The following NLRC3 variants were observed in gnomAD, a reference collection of about 807,000 sequenced individuals.
NLRC3 encodes NLR family CARD domain-containing protein 3.
In NLRC3, 87 loss-of-function variants were observed where a neutral mutation model predicts 91.6. The ratio of observed to expected loss-of-function variants is 0.95; its 90% CI spans 0.80 to 1.14. The LOEUF is 1.14. Ranked by LOEUF, NLRC3 falls within the 50% of genes most tolerant of loss-of-function variation. NLRC3 has a pLI of 0.00. For synonymous variants in NLRC3, 694 were observed against 625.3 expected (o/e 1.11, Z -1.64); for missense variants, 1,577 against 1,418.6 (o/e 1.11, Z -1.79).
At position 3,563,434 on chromosome 16, in the gene NLRC3, C is replaced by T. The variant is rs760237958; in HGVS notation, c.1503G>A (p.Arg501=). ...GCCTCCCGTCCTCTGCCTGCATGGC[C>T]CGCTGGGCTGCGCTCCTGAAATGCG... ...FLTHFRSAAQ[R]AMQAEDGRLD... Residue 501 remains arginine, a synonymous_variant, in exon 5 of 20, where the codon CGG becomes CGA. Coordinates refer to ENST00000359128, the MANE Select transcript of NLRC3 (RefSeq NM_178844.4). 1.5e-5 allele frequency: 24 copies of T among 1,575,940 alleles called. No individual in the cohort carries two copies. Among genetic ancestry groups the T allele is most frequent in the East Asian group, 2.3e-5 (1 of 42,754 alleles).
At chr16:3,570,852 G>A (rs1291519557) in intron 1 of NLRC3, among the ~76,000 whole-genome samples, 2 of 152,148 alleles carry the variant, frequency 1.3e-5, no homozygotes, top group Admixed American at 1.3e-4. Context: ...GGGAGCCACT[G>A]GGGGGAGTGA....
intron 12 of NLRC3, among the ~76,000 whole-genome samples, chr16:3,549,468 G>C (rs2038881726): frequency 6.6e-6 from 1 of 152,156 alleles, no homozygotes; most frequent in African/African-American, 2.4e-5. Context: ...GGCCCCAGAG[G>C]TGCGAGGGGA....
intron 5 of NLRC3, among the ~76,000 whole-genome samples, chr16:3,562,636 A>G (rs536842585): frequency 2.6e-5 from 4 of 152,112 alleles, no homozygotes; most frequent in South Asian, 2.1e-4. Flanking sequence ...GCAAGACTCC[A>G]TCTCAAAAAA....
At chr16:3,558,836 T>A (rs976159394) in intron 6 of NLRC3, among the ~76,000 whole-genome samples, 4 of 152,150 alleles carry the variant, frequency 2.6e-5, no homozygotes, top group African/African-American at 9.7e-5. Flanking sequence ...TGCAGTGGCA[T>A]GATCATGGCT....
intron 19 of NLRC3, 100 bp downstream of exon 19, chr16:3,542,091 T>G: frequency 1.1e-6 from 1 of 923,564 alleles, no homozygotes; most frequent in Non-Finnish European, 1.7e-6. Flanking sequence ...ATAGGCCTGC[T>G]GAAGCGTCTG....
intron 1 of NLRC3, among the ~76,000 whole-genome samples, chr16:3,570,369 C>G (rs1337878411): frequency 6.6e-6 from 1 of 152,084 alleles, no homozygotes; most frequent in East Asian, 1.9e-4. Context: ...TTTATTCAAC[C>G]AGCAAATATT....
chr16:3,572,899 G>A lies in NLRC3; in HGVS notation c.-169+4250C>T, dbSNP rs147138213. Among the ~76,000 whole-genome samples the A allele has an allele frequency of 4.4e-3, 670 of 151,508 alleles. 6 individuals carry two copies. The highest frequency in any genetic ancestry group is 0.015 in the African/African-American group (635 of 41,276). ...ATGGTGGTGGGTGACCGTAATCCCA[G>A]CTACTCAGGAGGCTGAGGCAGGGAA... On this transcript the variant is annotated intron_variant, in intron 1 of 19. Coordinates refer to ENST00000359128, the MANE Select transcript of NLRC3 (RefSeq NM_178844.4).
intron 7 of NLRC3, 44 bp downstream of exon 7, chr16:3,557,549 C>A: frequency 7.8e-7 from 1 of 1,288,468 alleles, no homozygotes; most frequent in Non-Finnish European, 1.1e-6. Flanking sequence ...CACAACTCTT[C>A]TGGTTCCAAT....
intron 19 of NLRC3, 128 bp downstream of exon 19, chr16:3,542,063 C>G (rs191798040): frequency 2.4e-6 from 2 of 828,354 alleles, no homozygotes. Context: ...GGTACCTCCC[C>G]TTAGACCAGG....
At chr16:3,543,030 C>T (rs1313042510) in intron 17 of NLRC3, 9 of 528,508 alleles carry the variant, frequency 1.7e-5, no homozygotes, top group African/African-American at 9.5e-5. Flanking sequence ...AACAGAAAAG[C>T]GGGGCTGAGA....
At chr16:3,548,304 G>T in intron 14 of NLRC3, 86 bp from the exon 15 acceptor site, 2 of 1,034,144 alleles carry the variant, frequency 1.9e-6, no homozygotes, top group Admixed American at 2.0e-5. Flanking sequence ...ATGGCAGGAG[G>T]TGGAATCCCT....
chr16:3,560,667 G>A (rs893798396), intron 6 of NLRC3, among the ~76,000 whole-genome samples: 13 of 152,060 alleles, frequency 8.5e-5, no homozygotes, highest in South Asian at 8.3e-4. Context: ...TTTTTGAGAC[G>A]GAGTCTCACT....
intron 9 of NLRC3, among the ~76,000 whole-genome samples, chr16:3,552,800 C>T (rs1264266940): frequency 6.6e-6 from 1 of 152,054 alleles, no homozygotes; most frequent in Non-Finnish European, 1.5e-5. Flanking sequence ...ATTAGCGGGG[C>T]GTGGTGGCAT....
rs1039348469 is a variant in NLRC3, at chr16:3,577,103, T to G, written c.-169+46A>C. The G allele has an allele frequency of 5.7e-6, 4 of 703,056 alleles. No homozygotes were observed. The East Asian group carries it at 1.1e-4, about 19-fold the overall frequency. The allele number at this position is 703,056 out of a possible 1,614,324, so 43.6% of individuals were successfully genotyped here. A position where few individuals can be genotyped will look rare whatever the true frequency, so the allele number is the denominator to read the frequency against. ...CCACTGTCCTTCCTGCCAGCATCCC[T>G]TCTCCCTCCCCTGCCCTGCACTGAG... On this transcript the variant is annotated intron_variant, in intron 1 of 19. Coordinates refer to ENST00000359128, the MANE Select transcript of NLRC3 (RefSeq NM_178844.4).
At chr16:3,565,528 C>T in intron 2 of NLRC3, 148 bp from the exon 3 acceptor site, 2 of 323,736 alleles carry the variant, frequency 6.2e-6, no homozygotes, top group South Asian at 2.3e-5. Flanking sequence ...GGACGCTACA[C>T]TGTGTGATTC....
chr16:3,554,215 G>A (rs761668074), intron 9 of NLRC3, 27 bp downstream of exon 9: 2 of 1,538,972 alleles, frequency 1.3e-6, no homozygotes, highest in Non-Finnish European at 1.8e-6. Context: ...GGGAGAGAAG[G>A]GGGAGAGAGG....
In NLRC3 at chr16:3,540,573, T is replaced by G. The variant is rs181896819; in HGVS notation, c.*1252A>C. 1 of 151,958 alleles carries G rather than the reference T, an allele frequency of 6.6e-6. No individual in the cohort carries two copies. Among genetic ancestry groups the G allele is most frequent in the Admixed American group, 6.6e-5 (1 of 15,260 alleles). The allele number at this position is 151,958 out of a possible 1,614,324, so 9.4% of individuals were successfully genotyped here. A position where few individuals can be genotyped will look rare whatever the true frequency, so the allele number is the denominator to read the frequency against. On this transcript the variant is annotated 3_prime_UTR_variant, in exon 20 of 20. Transcript: ENST00000359128. ...ATCCCAGCACTTTGGGAGGCTGAGGTGGGTGGATCACTTGAGGTCAGGAGT... is the reference window on the plus strand; with the variant it reads ...ATCCCAGCACTTTGGGAGGCTGAGGGGGGTGGATCACTTGAGGTCAGGAGT...
chr16:3,573,011 C>CAAAAAAAA (rs58940028), intron 1 of NLRC3, among the ~76,000 whole-genome samples: 1 of 75,238 alleles, frequency 1.3e-5, no homozygotes, highest in African/African-American at 5.0e-5. Flanking sequence ...GACTCTATCT[C>CAAAAAAAA]AAAAAAAAAA....
chr16:3,566,909 G>C (rs2039906192), intron 2 of NLRC3, among the ~76,000 whole-genome samples: 1 of 152,038 alleles, frequency 6.6e-6, no homozygotes, highest in South Asian at 2.1e-4. Context: ...TGCTTTACAA[G>C]GAAAAGCTTA....
Sources: gnomAD v4.1 joint callset for allele counts (sites outside exome capture counted in the v4.1 genomes callset) on GRCh38, gnomAD v4.1.1 for gene constraint, MANE v1.5 for transcripts, NCBI Gene and HGNC (gene_info 2026-07-23, HGNC 2026-07-21) for gene names.